Variants in PANX1 observed in about 807,000 individuals in gnomAD.
PANX1 encodes pannexin 1.
A neutral mutation model predicts 38.7 loss-of-function variants in PANX1; 30 were observed. That is an observed-to-expected ratio of 0.78 (90% CI 0.58 to 1.05). The LOEUF is 1.05. Among genes scored for constraint, PANX1 ranks in the 50% least tolerant of loss-of-function variants. The pLI, the probability that PANX1 is intolerant of heterozygous loss-of-function variation, is 0.00. For synonymous variants in PANX1, 230 were observed against 212.2 expected, an observed-to-expected ratio of 1.08 and a Z score of -0.73; for missense variants, 551 against 517.2, an observed-to-expected ratio of 1.07 and a Z score of -0.63.
Position 94,129,088 on chromosome 11 carries a change from T to TCCCGCCCCGC in PANX1, c.-213_-204dup, listed in dbSNP as rs72253125. Reference sequence around the variant, plus strand: ...ACCGCAGGAAGCGGAGCTCTCGGGTTCCCGCCCCGCCCCGCCCCGCCGGCG... The same window carrying TCCCGCCCCGC: ...ACCGCAGGAAGCGGAGCTCTCGGGTTCCCGCCCCGCCCCGCCCCGCCCCGCCCCGCCGGCG... On this transcript the variant is annotated 5_prime_UTR_variant, in exon 1 of 5. An upstream open reading frame in the 5' UTR loses its in-frame stop. Coordinates refer to ENST00000227638, the MANE Select transcript of PANX1 (RefSeq NM_015368.4). 5.2e-3 allele frequency: 2,130 copies of TCCCGCCCCGC among 409,226 alleles called. 45 individuals are homozygous for TCCCGCCCCGC. Among genetic ancestry groups the TCCCGCCCCGC allele is most frequent in the African/African-American group, 0.04 (1,905 of 47,072 alleles). The allele number at this position is 409,226 out of a possible 1,614,324, so 25.3% of individuals were successfully genotyped here. A position where few individuals can be genotyped will look rare whatever the true frequency, so the allele number is the denominator to read the frequency against.
In PANX1 at chr11:94,180,728, T is replaced by C. The variant is rs192087472; in HGVS notation, c.1202-62T>C. 10 of 926,968 alleles carry C rather than the reference T, an allele frequency of 1.1e-5. No individual in the cohort carries two copies. In the East Asian group the frequency reaches 1.2e-4, roughly 11 times the overall value. The allele number at this position is 926,968 out of a possible 1,614,324, so 57.4% of individuals were successfully genotyped here. ...GAGGAATTTTTGGCAGAAGAAAAAT[T>C]GATTAGTATTGGTAATTCCTGCTAT... On this transcript the variant is annotated intron_variant, in intron 4 of 4. Transcript: ENST00000227638.
In PANX1 at chr11:94,129,196, C is replaced by A; in HGVS notation, c.-117C>A. On this transcript the variant is annotated 5_prime_UTR_variant, in exon 1 of 5. Coordinates refer to ENST00000227638, the MANE Select transcript of PANX1 (RefSeq NM_015368.4). ...CACAAAGGCAGGCGGGATGCGGGAGCAGGCAAAGGGAAAGCGAAAGCCGCG... is the reference window on the plus strand; with the variant it reads ...CACAAAGGCAGGCGGGATGCGGGAGAAGGCAAAGGGAAAGCGAAAGCCGCG... 1.4e-6 allele frequency: 1 copy of A among 736,748 alleles called. No individual in the cohort carries two copies. The highest frequency in any genetic ancestry group is 2.1e-6 in the Non-Finnish European group (1 of 477,236). 45.6% of individuals were successfully genotyped at this position (736,748 alleles called of 1,614,324 possible).
chr11:94,129,403 G>C lies in PANX1; in HGVS notation c.91G>C (p.Glu31Gln). Residue 31 changes from glutamate (E) to glutamine (Q), a missense_variant, in exon 1 of 5, where the codon GAG becomes CAG. Glu to Gln is a conservative substitution (Grantham distance 29). Transcript: ENST00000227638. Reference sequence around the variant, plus strand: ...GCCCAAGTTCAAGGGGCTGCGACTGGAGCTGGCTGTGGACAAGATGGTCAC... The same window carrying C: ...GCCCAAGTTCAAGGGGCTGCGACTGCAGCTGGCTGTGGACAAGATGGTCAC... ...TEPKFKGLRL[E>Q]LAVDKMVTCI... 6.2e-7 allele frequency: 1 copy of C among 1,614,082 alleles called. No individual in the cohort carries two copies. Among genetic ancestry groups the C allele is most frequent in the South Asian group, 1.1e-5 (1 of 91,064 alleles).
chr11:94,154,433 T>G (rs576583881), intron 2 of PANX1, among the ~76,000 whole-genome samples: 1 of 152,342 alleles, frequency 6.6e-6, no homozygotes, highest in South Asian at 2.1e-4. Context: ...TGTTTCAGCC[T>G]GTCATTAATT....
intron 2 of PANX1, among the ~76,000 whole-genome samples, chr11:94,161,092 C>T (rs1045058022): frequency 5.3e-5 from 8 of 152,238 alleles, no homozygotes; most frequent in African/African-American, 1.7e-4. Context: ...GCCGAGAAAT[C>T]AGCTGTTAGT....
At chr11:94,168,995 G>T (rs780046280) in intron 2 of PANX1, among the ~76,000 whole-genome samples, 1 of 151,700 alleles carries the variant, frequency 6.6e-6, no homozygotes, top group Non-Finnish European at 1.5e-5. Flanking sequence ...TGAAGAAGCA[G>T]ATTTTGGAGG....
At chr11:94,174,285 C>T (rs549058783) in intron 2 of PANX1, among the ~76,000 whole-genome samples, 1 of 151,452 alleles carries the variant, frequency 6.6e-6, no homozygotes, top group African/African-American at 2.5e-5. Context: ...CCCTTCCAGC[C>T]TCTGCTCTGT....
intron 2 of PANX1, chr11:94,175,829 G>T: frequency 1.0e-6 from 1 of 984,666 alleles, no homozygotes; most frequent in Non-Finnish European, 1.2e-6. Flanking sequence ...TGCAAATTGG[G>T]TTAATACTTT....
At chr11:94,176,411 C>T (rs966829332) in intron 2 of PANX1, among the ~76,000 whole-genome samples, 2 of 151,588 alleles carry the variant, frequency 1.3e-5, no homozygotes, top group Non-Finnish European at 2.9e-5. Flanking sequence ...GATCTTGGAA[C>T]AGGAAGAGGA....
At chr11:94,149,291 G>A (rs750356683) in intron 1 of PANX1, among the ~76,000 whole-genome samples, 11 of 152,114 alleles carry the variant, frequency 7.2e-5, no homozygotes, top group Non-Finnish European at 1.6e-4. Flanking sequence ...TTTTTCTTTA[G>A]GCTATGTTAC....
At position 94,180,689 on chromosome 11, in the gene PANX1, G is replaced by C. The variant is rs911808925; in HGVS notation, c.1202-101G>C. ...TTAGTTAGGCCAAGAAGCAAAACAT[G>C]GTATAGACTGTGAGAGGAATTTTTG... On this transcript the variant is annotated intron_variant, in intron 4 of 4. Transcript: ENST00000227638. 9 of 694,170 alleles carry C rather than the reference G, an allele frequency of 1.3e-5. No individual in the cohort carries two copies. In the Admixed American group the frequency reaches 1.5e-4, roughly 12 times the overall value. The allele number at this position is 694,170 out of a possible 1,614,324, so 43.0% of individuals were successfully genotyped here. A position where few individuals can be genotyped will look rare whatever the true frequency, so the allele number is the denominator to read the frequency against.
intron 1 of PANX1, among the ~76,000 whole-genome samples, chr11:94,150,868 G>A (rs1946876336): frequency 6.6e-6 from 1 of 152,116 alleles, no homozygotes. Flanking sequence ...CACCTACTTA[G>A]ACCACACCCA....
intron 2 of PANX1, among the ~76,000 whole-genome samples, chr11:94,156,547 T>C (rs191889294): frequency 4.6e-5 from 7 of 152,212 alleles, no homozygotes; most frequent in East Asian, 1.9e-4. Context: ...CTAGCTCCCA[T>C]AGGGACAAGA....
At chr11:94,160,259 T>G (rs1249783947) in intron 2 of PANX1, among the ~76,000 whole-genome samples, 1 of 152,228 alleles carries the variant, frequency 6.6e-6, no homozygotes, top group African/African-American at 2.4e-5. Context: ...GATGCAGAGC[T>G]GAGTTCAATT....
In PANX1 at chr11:94,145,397, T is replaced by C. The variant is rs186418306; in HGVS notation, c.182-8094T>C. ...TTGAGTGATCTGCCCCAAACCTATA[T>C]GCTCCAGAAGCACTGTTATTTTCGT... On this transcript the variant is annotated intron_variant, in intron 1 of 4. Coordinates refer to ENST00000227638, the MANE Select transcript of PANX1 (RefSeq NM_015368.4). Among the ~76,000 whole-genome samples, 616 of 152,360 alleles carry C rather than the reference T, an allele frequency of 4.0e-3. 1 individual carries two copies. The highest frequency in any genetic ancestry group is 7.2e-3 in the Non-Finnish European group (487 of 68,032).
chr11:94,145,350 T>A (rs1946816092), intron 1 of PANX1, among the ~76,000 whole-genome samples: 1 of 151,982 alleles, frequency 6.6e-6, no homozygotes, highest in East Asian at 1.9e-4. Context: ...GCTGTTGGTT[T>A]AAAAAAAAAT....
At chr11:94,167,074 G>T (rs1397820694) in intron 2 of PANX1, among the ~76,000 whole-genome samples, 1 of 152,170 alleles carries the variant, frequency 6.6e-6, no homozygotes, top group Non-Finnish European at 1.5e-5. Context: ...CCCAGGGCTG[G>T]TCTAAATGCT....
Position 94,180,961 on chromosome 11 carries a change from C to T in PANX1, c.*92C>T. On this transcript the variant is annotated 3_prime_UTR_variant, in exon 5 of 5. Coordinates refer to ENST00000227638, the MANE Select transcript of PANX1 (RefSeq NM_015368.4). Reference sequence around the variant, plus strand: ...CCCTGTTGGTTTCACAGCTGGTTTGCAATAAATGGTTCTTGGTGGAGATAC... The same window carrying T: ...CCCTGTTGGTTTCACAGCTGGTTTGTAATAAATGGTTCTTGGTGGAGATAC... The T allele has an allele frequency of 1.3e-6, 1 of 754,842 alleles. No homozygotes were observed. Among genetic ancestry groups the T allele is most frequent in the Non-Finnish European group, 2.4e-6 (1 of 415,382 alleles). 46.8% of individuals were successfully genotyped at this position (754,842 alleles called of 1,614,324 possible). A position where few individuals can be genotyped will look rare whatever the true frequency, so the allele number is the denominator to read the frequency against.
At chr11:94,152,298 A>G (rs557193585) in intron 1 of PANX1, among the ~76,000 whole-genome samples, 9 of 152,254 alleles carry the variant, frequency 5.9e-5, no homozygotes, top group African/African-American at 1.7e-4. Context: ...TAATTTTTGT[A>G]TTCACCACAA....
Sources: gnomAD v4.1 joint callset for allele counts (sites outside exome capture counted in the v4.1 genomes callset) on GRCh38, gnomAD v4.1.1 for gene constraint, MANE v1.5 for transcripts, NCBI Gene and HGNC (gene_info 2026-07-23, HGNC 2026-07-21) for gene names.